GRID2: variants seen among roughly 807,000 people sequenced by gnomAD.
GRID2 encodes the protein glutamate receptor ionotropic, delta-2.
In GRID2, 33 loss-of-function variants were observed where a neutral mutation model predicts 114.8. The observed-to-expected ratio is 0.29, with a 90% CI of 0.22 to 0.38. GRID2 has a LOEUF of 0.38. Among genes scored for constraint, GRID2 ranks in the 10% least tolerant of loss-of-function variants. The pLI, the probability that GRID2 is intolerant of heterozygous loss-of-function variation, is 1.00. For missense variants in GRID2, 1,184 were observed against 1,257.7 expected (o/e 0.94, Z 0.89); for synonymous variants, 505 against 449.9 (o/e 1.12, Z -1.55).
At chr4:92,706,084 G>A (rs1020273230) in intron 2 of GRID2, among the ~76,000 whole-genome samples, 1 of 152,166 alleles carries the variant, frequency 6.6e-6, no homozygotes, top group Non-Finnish European at 1.5e-5. Flanking sequence ...AGGTCTTGAT[G>A]GGTTCTGAAC....
intron 2 of GRID2, among the ~76,000 whole-genome samples, chr4:92,941,861 C>T (rs1319002717): frequency 6.6e-6 from 1 of 152,148 alleles, no homozygotes; most frequent in Non-Finnish European, 1.5e-5. Flanking sequence ...TGCTCAATTT[C>T]CATGTAGTTG....
chr4:92,392,321 A>G (rs1198731570), intron 1 of GRID2, among the ~76,000 whole-genome samples: 1 of 152,060 alleles, frequency 6.6e-6, no homozygotes, highest in Non-Finnish European at 1.5e-5. Context: ...GGCCAAGGTC[A>G]CAAGGTCAGG....
At chr4:92,638,397 C>G (rs1324304027) in intron 2 of GRID2, among the ~76,000 whole-genome samples, 1 of 148,352 alleles carries the variant, frequency 6.7e-6, no homozygotes. Flanking sequence ...TTAAATAAGA[C>G]TAATACTAGT....
intron 4 of GRID2, among the ~76,000 whole-genome samples, chr4:93,131,423 A>G (rs1365779203): frequency 6.6e-6 from 1 of 151,850 alleles, no homozygotes; most frequent in Non-Finnish European, 1.5e-5. Context: ...AAGTGCTGGG[A>G]TTACAAGCTT....
intron 2 of GRID2, among the ~76,000 whole-genome samples, chr4:92,612,522 G>T (rs1176097769): frequency 6.6e-6 from 1 of 151,354 alleles, no homozygotes; most frequent in East Asian, 1.9e-4. Flanking sequence ...TCTGTTGAAT[G>T]TATAAATCAA....
At position 93,329,554 on chromosome 4, in the gene GRID2, T is replaced by C. The variant is rs74719921; in HGVS notation, c.1246-66053T>C. On this transcript the variant is annotated intron_variant, in intron 8 of 15. Transcript: ENST00000282020. ...CCTAATTAAACATTTGGAAAGATAGTATGAAATAACTATTTGGAAACTAAT... is the reference window on the plus strand; with the variant it reads ...CCTAATTAAACATTTGGAAAGATAGCATGAAATAACTATTTGGAAACTAAT... Among the ~76,000 whole-genome samples the C allele has an allele frequency of 4.5e-3, 678 of 152,168 alleles. 7 individuals carry two copies. Among genetic ancestry groups the C allele is most frequent in the African/African-American group, 0.016 (648 of 41,534 alleles).
chr4:92,711,679 G>C (rs964366202), intron 2 of GRID2, among the ~76,000 whole-genome samples: 13 of 152,152 alleles, frequency 8.5e-5, no homozygotes, highest in Non-Finnish European at 1.9e-4. Context: ...AAGACAGGAG[G>C]ATCACTTGAG....
rs563548181 is a variant in GRID2 at position 93,808,025 on chromosome 4, A to G, written c.*1152A>G. On this transcript the variant is annotated 3_prime_UTR_variant, in exon 2 of 2. Coordinates refer to the GRID2 transcript ENST00000637838. ...TGATGCACAGATGATCTATTATGCC[A>G]AAGCAACCTAAAAGATTAAAGCCAA... 5.9e-5 allele frequency: 9 copies of G among 152,300 alleles called. No homozygotes were observed. In the East Asian group the frequency reaches 1.7e-3, roughly 29 times the overall value. 9.4% of individuals were successfully genotyped at this position (152,300 alleles called of 1,614,324 possible).
intron 2 of GRID2, among the ~76,000 whole-genome samples, chr4:92,747,551 A>G (rs974311196): frequency 2.0e-5 from 3 of 152,100 alleles, no homozygotes; most frequent in African/African-American, 7.2e-5. Flanking sequence ...ATATCCTGCT[A>G]CAACTCTTAT....
At chr4:92,405,236 A>G (rs1730970065) in intron 1 of GRID2, among the ~76,000 whole-genome samples, 1 of 152,198 alleles carries the variant, frequency 6.6e-6, no homozygotes, top group East Asian at 1.9e-4. Flanking sequence ...AATAATATTT[A>G]TATAGGACAG....
At chr4:93,154,321 C>T (rs1736983358) in intron 4 of GRID2, among the ~76,000 whole-genome samples, 1 of 151,676 alleles carries the variant, frequency 6.6e-6, no homozygotes, top group African/African-American at 2.4e-5. Context: ...AACACCTTTC[C>T]AGAGACCTAA....
chr4:92,770,224 T>G (rs1387626269), intron 2 of GRID2, among the ~76,000 whole-genome samples: 1 of 152,142 alleles, frequency 6.6e-6, no homozygotes, highest in Non-Finnish European at 1.5e-5. Flanking sequence ...ATAAAGAGAA[T>G]CACCTTTGTT....
At chr4:93,092,330 C>T (rs1396187712) in intron 3 of GRID2, among the ~76,000 whole-genome samples, 1 of 152,008 alleles carries the variant, frequency 6.6e-6, no homozygotes, top group Non-Finnish European at 1.5e-5. Context: ...GCTGATCAGA[C>T]TGGAACAATA....
intron 2 of GRID2, among the ~76,000 whole-genome samples, chr4:93,015,512 A>G (rs969115003): frequency 1.3e-4 from 20 of 152,200 alleles, no homozygotes; most frequent in African/African-American, 4.8e-4. Context: ...TGTAGTGATC[A>G]TCAAATGGTT....
At chr4:92,801,861 G>A (rs1740189646) in intron 2 of GRID2, among the ~76,000 whole-genome samples, 2 of 151,708 alleles carry the variant, frequency 1.3e-5, no homozygotes, top group Admixed American at 6.6e-5. Flanking sequence ...AAGAAACTGA[G>A]GAGAAAGGAA....
chr4:92,808,832 G>A (rs1215294492), intron 2 of GRID2, among the ~76,000 whole-genome samples: 2 of 151,168 alleles, frequency 1.3e-5, no homozygotes, highest in Non-Finnish European at 3.0e-5. Flanking sequence ...GGCTAACACT[G>A]AGAAACTTAT....
At chr4:93,486,192 A>G (rs1726387423) in intron 11 of GRID2, among the ~76,000 whole-genome samples, 1 of 151,638 alleles carries the variant, frequency 6.6e-6, no homozygotes, top group South Asian at 2.1e-4. Context: ...CTTTTTTTGA[A>G]CACTGATTCT....
chr4:93,622,556 G>A (rs1186375628), intron 13 of GRID2, among the ~76,000 whole-genome samples: 1 of 152,146 alleles, frequency 6.6e-6, no homozygotes, highest in East Asian at 1.9e-4. Flanking sequence ...CACATTGTGA[G>A]AAACACTGAC....
At chr4:93,679,384 A>T (rs1490491374) in intron 14 of GRID2, among the ~76,000 whole-genome samples, 4 of 150,866 alleles carry the variant, frequency 2.7e-5, no homozygotes, top group Non-Finnish European at 4.4e-5. Context: ...CAGAAAGTTA[A>T]CAAGGATACC....
Sources: gnomAD v4.1 joint callset for allele counts (sites outside exome capture counted in the v4.1 genomes callset) on GRCh38, gnomAD v4.1.1 for gene constraint, MANE v1.5 for transcripts, NCBI Gene and HGNC (gene_info 2026-07-23, HGNC 2026-07-21) for gene names.